The following DLEU7 variants were observed in gnomAD, a reference collection of about 807,000 sequenced individuals.
DLEU7 encodes deleted in lymphocytic leukemia 7.
DLEU7 carries 17 observed loss-of-function variants against 16.0 expected under a neutral mutation model. That is an observed-to-expected ratio of 1.06 (90% CI 0.73 to 1.59). DLEU7 has a LOEUF of 1.59. DLEU7 is among the 40% of genes most tolerant of loss of function. The probability of loss-of-function intolerance (pLI) is 0.00; values close to 1 mark genes in which losing one functional copy is unlikely to be tolerated. For synonymous variants in DLEU7, 113 were observed against 139.8 expected (o/e 0.81, Z 1.35); for missense variants, 308 against 314.9 (o/e 0.98, Z 0.17).
At chr13:50,841,656 G>C (rs1458876948) in intron 1 of DLEU7, among the ~76,000 whole-genome samples, 1 of 151,518 alleles carries the variant, frequency 6.6e-6, no homozygotes, top group African/African-American at 2.4e-5. Flanking sequence ...CTTGAGCCCA[G>C]GGCTCGAGGC....
At chr13:50,767,119 T>C (rs180763160) in intron 1 of DLEU7, among the ~76,000 whole-genome samples, 2 of 152,194 alleles carry the variant, frequency 1.3e-5, no homozygotes, top group African/African-American at 4.8e-5. Flanking sequence ...CATCTATACA[T>C]TGAAGGCTGA....
intron 1 of DLEU7, among the ~76,000 whole-genome samples, chr13:50,750,995 G>C (rs964089940): frequency 3.3e-5 from 5 of 152,092 alleles, no homozygotes; most frequent in Admixed American, 2.0e-4. Flanking sequence ...GGTGAGAGTG[G>C]GCATCCTACT....
chr13:50,789,024 T>C (rs1875871112), intron 1 of DLEU7, among the ~76,000 whole-genome samples: 1 of 152,134 alleles, frequency 6.6e-6, no homozygotes, highest in Admixed American at 6.5e-5. Flanking sequence ...GCTTCAATTT[T>C]GGAAAACATA....
chr13:50,784,646 C>T lies in DLEU7; in HGVS notation c.459+58542G>A, dbSNP rs532709230. Among the ~76,000 whole-genome samples, 14 of 152,246 alleles carry T rather than the reference C, an allele frequency of 9.2e-5. No homozygotes were observed. The East Asian group carries it at 1.7e-3, about 19-fold the overall frequency. On this transcript the variant is annotated intron_variant, in intron 1 of 1. Transcript: ENST00000400393. ...GACACTCACAGAGAGATTGCATGGCCGCTGCATTTGAAAGCATGGACTCCC... is the reference window on the plus strand; with the variant it reads ...GACACTCACAGAGAGATTGCATGGCTGCTGCATTTGAAAGCATGGACTCCC...
chr13:50,842,328 G>T (rs1566271857), intron 1 of DLEU7, among the ~76,000 whole-genome samples: 1 of 152,104 alleles, frequency 6.6e-6, no homozygotes, highest in Non-Finnish European at 1.5e-5. Context: ...TCTGCTAGAT[G>T]CCCCAGGGAA....
At chr13:50,713,976 G>A (rs1021538408) in intron 1 of DLEU7, among the ~76,000 whole-genome samples, 8 of 152,150 alleles carry the variant, frequency 5.3e-5, no homozygotes, top group African/African-American at 1.2e-4. Flanking sequence ...GAAGACTGTC[G>A]GCTGTGTTAC....
chr13:50,732,161 A>G (rs1593532056), intron 1 of DLEU7, among the ~76,000 whole-genome samples: 2 of 152,178 alleles, frequency 1.3e-5, no homozygotes, highest in Admixed American at 1.3e-4. Flanking sequence ...TAACACAGCA[A>G]TTTTTAAATA....
chr13:50,785,238 C>T (rs1190622808), intron 1 of DLEU7, among the ~76,000 whole-genome samples: 1 of 152,112 alleles, frequency 6.6e-6, no homozygotes, highest in African/African-American at 2.4e-5. Flanking sequence ...TGGATGCACC[C>T]GGAATCAGGA....
chr13:50,734,516 T>C (rs1243911459), intron 1 of DLEU7, among the ~76,000 whole-genome samples: 1 of 152,194 alleles, frequency 6.6e-6, no homozygotes, highest in East Asian at 1.9e-4. Context: ...TAAAGATCAG[T>C]TATTTCATTT....
chr13:50,783,119 C>T (rs993403496), intron 1 of DLEU7, among the ~76,000 whole-genome samples: 9 of 152,314 alleles, frequency 5.9e-5, no homozygotes, highest in Middle Eastern at 3.4e-3. Flanking sequence ...TCCTTATCTC[C>T]GGTAGATGGA....
chr13:50,787,033 A>G (rs1393540089), intron 1 of DLEU7, among the ~76,000 whole-genome samples: 1 of 152,232 alleles, frequency 6.6e-6, no homozygotes, highest in African/African-American at 2.4e-5. Context: ...AAAATCCTTG[A>G]GTGGCCTTTT....
At chr13:50,841,790 G>C (rs1381008439) in intron 1 of DLEU7, among the ~76,000 whole-genome samples, 1 of 151,214 alleles carries the variant, frequency 6.6e-6, no homozygotes, top group African/African-American at 2.4e-5. Context: ...ATAATCAATG[G>C]TGTATCATAG....
At chr13:50,753,743 AAG>A (rs1436941581) in intron 1 of DLEU7, among the ~76,000 whole-genome samples, 1 of 152,202 alleles carries the variant, frequency 6.6e-6, no homozygotes, top group Non-Finnish European at 1.5e-5. Context: ...CCATCCCAGA[AAG>A]GGGCTCCCAC....
intron 1 of DLEU7, among the ~76,000 whole-genome samples, chr13:50,766,478 C>A (rs1047302524): frequency 6.6e-6 from 1 of 151,690 alleles, no homozygotes; most frequent in Admixed American, 6.6e-5. Flanking sequence ...TCCTTCTCTT[C>A]CTACTCCTCC....
intron 1 of DLEU7, among the ~76,000 whole-genome samples, chr13:50,718,044 C>G (rs1373941551): frequency 6.6e-6 from 1 of 152,142 alleles, no homozygotes; most frequent in Non-Finnish European, 1.5e-5. Flanking sequence ...TGCAGAATCT[C>G]AGGCCCTCCC....
chr13:50,823,862 A>G (rs528653170), intron 1 of DLEU7, among the ~76,000 whole-genome samples: 1 of 152,358 alleles, frequency 6.6e-6, no homozygotes, highest in East Asian at 1.9e-4. Context: ...CACCATAAGG[A>G]TAGCATCCAA....
intron 1 of DLEU7, among the ~76,000 whole-genome samples, chr13:50,780,889 C>T (rs952312377): frequency 6.6e-6 from 1 of 152,148 alleles, no homozygotes; most frequent in Non-Finnish European, 1.5e-5. Context: ...TGTCTCCGCT[C>T]GTTTCCCCTG....
At position 50,771,802 on chromosome 13, in the gene DLEU7, C is replaced by T. The variant is rs553924535; in HGVS notation, c.460-58562G>A. Among the ~76,000 whole-genome samples, 15 of 152,282 alleles carry T rather than the reference C, an allele frequency of 9.9e-5. No homozygotes were observed. In the South Asian group the frequency reaches 1.5e-3, roughly 15 times the overall value. ...GGTCTGCTTGGTGCAGAGCTGAGTT[C>T]AAGTCCTGGGTATCCTTGTTAACTT... On this transcript the variant is annotated intron_variant, in intron 1 of 1. Transcript: ENST00000400393.
intron 1 of DLEU7, among the ~76,000 whole-genome samples, chr13:50,793,249 A>G (rs557478295): frequency 6.6e-6 from 1 of 152,176 alleles, no homozygotes; most frequent in Admixed American, 6.5e-5. Context: ...TCCATGGCGT[A>G]TATGTACCAC....
Sources: allele counts gnomAD v4.1 joint callset (sites outside exome capture counted in the v4.1 genomes callset), GRCh38; gene constraint gnomAD v4.1.1; transcripts MANE v1.5; gene names NCBI Gene and HGNC (gene_info 2026-07-23, HGNC 2026-07-21).